Variants in HMOX2 observed in about 807,000 individuals in gnomAD.
HMOX2 encodes the protein heme oxygenase 2, also known as heme oxygenase (decycling) 2.
HMOX2 carries 30 observed loss-of-function variants against 33.7 expected under a neutral mutation model. That is an observed-to-expected ratio of 0.89 (90% CI 0.67 to 1.21). HMOX2 has a LOEUF of 1.21. Among genes scored for constraint, HMOX2 ranks in the 50% most tolerant of loss-of-function variants. The pLI, the probability that HMOX2 is intolerant of heterozygous loss-of-function variation, is 0.00. For missense variants in HMOX2, 403 were observed against 399.1 expected, an observed-to-expected ratio of 1.01 and a Z score of -0.08; for synonymous variants, 155 against 155.0, an observed-to-expected ratio of 1.00 and a Z score of 0.00.
intron 1 of HMOX2, among the ~76,000 whole-genome samples, chr16:4,497,683 A>G (rs1226151614): frequency 6.6e-6 from 1 of 152,142 alleles, no homozygotes; most frequent in Non-Finnish European, 1.5e-5. Flanking sequence ...GCTAGAGATG[A>G]GCACACTTCT....
At chr16:4,501,899 A>C (rs1313408010) in intron 1 of HMOX2, among the ~76,000 whole-genome samples, 1 of 152,122 alleles carries the variant, frequency 6.6e-6, no homozygotes, top group Non-Finnish European at 1.5e-5. Context: ...GAGCCTTCCC[A>C]GGAGCCTCCT....
intron 1 of HMOX2, among the ~76,000 whole-genome samples, chr16:4,476,988 C>T (rs1015203914): frequency 2.5e-4 from 38 of 152,150 alleles, no homozygotes; most frequent in African/African-American, 8.7e-4. Flanking sequence ...ATAGGAAGTG[C>T]CCCTTGAGTG....
chr16:4,496,126 CTTTT>C (rs35152645), intron 1 of HMOX2: 75 of 141,046 alleles, frequency 5.3e-4, no homozygotes, highest in Non-Finnish European at 7.9e-4. Flanking sequence ...ACTTTTCTTT[CTTTT>C]TTTTTTTTTT....
At chr16:4,502,613 C>G (rs887077246) in intron 1 of HMOX2, 1 of 152,210 alleles carries the variant, frequency 6.6e-6, no homozygotes, top group African/African-American at 2.4e-5. Context: ...TGTTTTCATC[C>G]CAGCACCTTT....
intron 1 of HMOX2, among the ~76,000 whole-genome samples, chr16:4,481,570 T>C (rs1567379344): frequency 6.6e-6 from 1 of 152,138 alleles, no homozygotes; most frequent in Admixed American, 6.6e-5. Flanking sequence ...TAAAGCTCTA[T>C]CTTTAGCACA....
rs551594596 is a variant in HMOX2, at chr16:4,507,953, C to G, written c.445C>G (p.Leu149Val). Residue 149 changes from leucine (L) to valine (V), a missense_variant, in exon 4 of 6, where the codon CTG becomes GTG. Coordinates refer to ENST00000570646, the MANE Select transcript of HMOX2 (RefSeq NM_002134.4). Reference protein sequence around the residue: ...HYIGQNEPELLVAHAYTRYMG... With the variant: ...HYIGQNEPELVVAHAYTRYMG... The stretch of plus-strand genomic sequence containing the variant: ...CATAGGGCAGAACGAGCCGGAGCTA[C>G]TGGTGGCCCATGCATACACCCGCTA... 1 of 1,613,778 alleles carries G rather than the reference C, an allele frequency of 6.2e-7. No individual in the cohort carries two copies. Among genetic ancestry groups the G allele is most frequent in the Admixed American group, 1.7e-5 (1 of 59,966 alleles).
Position 4,509,439 on chromosome 16 carries a change from T to A in HMOX2, c.724T>A (p.Ser242Thr), listed in dbSNP as rs1208050023. The change falls in exon 5 of 6, where the codon TCC becomes ACC. Residue 242 changes from serine (S) to threonine (T), a missense_variant. Coordinates refer to ENST00000570646, the MANE Select transcript of HMOX2 (RefSeq NM_002134.4). Reference protein sequence around the residue: ...QIFNELDQAGSTLARETLEDG... With the variant: ...QIFNELDQAGTTLARETLEDG... ...ATTCAATGAACTGGACCAGGCCGGC[T>A]CCACACTGGCCAGAGAGACCTTGGA... is the stretch of plus-strand genomic sequence containing the variant. The A allele has an allele frequency of 6.2e-7, 1 of 1,613,702 alleles. No individual in the cohort carries two copies. The highest frequency in any genetic ancestry group is 8.5e-7 in the Non-Finnish European group (1 of 1,179,968).
chr16:4,483,025 G>T, intron 1 of HMOX2, among the ~76,000 whole-genome samples: 1 of 150,616 alleles, frequency 6.6e-6, no homozygotes, highest in African/African-American at 2.4e-5. Flanking sequence ...CAGACTGGAA[G>T]AAAAAAAAAG....
intron 1 of HMOX2, chr16:4,495,415 A>G (rs189017933): frequency 6.6e-6 from 1 of 152,214 alleles, no homozygotes; most frequent in Non-Finnish European, 1.5e-5. Context: ...AGCCAACCAT[A>G]TGTGGAGTTA....
rs574957710 is a variant in HMOX2 at position 4,510,129 on chromosome 16, G to A, written c.*373G>A. 7 of 234,642 alleles carry A rather than the reference G, an allele frequency of 3.0e-5. No individual in the cohort carries two copies. The East Asian group carries it at 3.7e-4, about 12-fold the overall frequency. The allele number at this position is 234,642 out of a possible 1,614,324, so 14.5% of individuals were successfully genotyped here. A position where few individuals can be genotyped will look rare whatever the true frequency, so the allele number is the denominator to read the frequency against. On this transcript the variant is annotated 3_prime_UTR_variant, in exon 6 of 6. Transcript: ENST00000570646. ...AGTGGCCTGTAAGTCCAAGCTGTGCGAGGGGGCCTTGCTGGATGCTGCTGT... is the reference window on the plus strand; with the variant it reads ...AGTGGCCTGTAAGTCCAAGCTGTGCAAGGGGGCCTTGCTGGATGCTGCTGT...
chr16:4,489,906 C>T (rs541541183), intron 1 of HMOX2, among the ~76,000 whole-genome samples: 1 of 152,324 alleles, frequency 6.6e-6, no homozygotes, highest in South Asian at 2.1e-4. Flanking sequence ...CCACCGCGCC[C>T]AGCCCATTAT....
At chr16:4,498,231 A>AT (rs747961619) in intron 1 of HMOX2, among the ~76,000 whole-genome samples, 18 of 151,136 alleles carry the variant, frequency 1.2e-4, no homozygotes, top group Non-Finnish European at 1.8e-4. Context: ...CACCTGGCTA[A>AT]TTTTTTTATA....
chr16:4,501,124 G>A (rs989933568), intron 1 of HMOX2, among the ~76,000 whole-genome samples: 4 of 152,000 alleles, frequency 2.6e-5, no homozygotes, highest in South Asian at 2.1e-4. Flanking sequence ...CCTGTCTCTC[G>A]GTTTCTTTTT....
At position 4,505,625 on chromosome 16, in the gene HMOX2, C is replaced by T; in HGVS notation, c.86+15C>T. 1.9e-6 allele frequency: 3 copies of T among 1,545,664 alleles called. No homozygotes were observed. The highest frequency in any genetic ancestry group is 2.7e-6 in the Non-Finnish European group (3 of 1,131,876). ...AACCAAATGAGGTGAGCGATGGGGG[C>T]TGGCTGCACTGAATCAGGTGGGCCC... On this transcript the variant is annotated intron_variant, in intron 2 of 5. Coordinates refer to ENST00000570646, the MANE Select transcript of HMOX2 (RefSeq NM_002134.4).
At chr16:4,498,259 G>T (rs1451827153) in intron 1 of HMOX2, among the ~76,000 whole-genome samples, 3 of 151,752 alleles carry the variant, frequency 2.0e-5, no homozygotes, top group Non-Finnish European at 4.4e-5. Flanking sequence ...TAGAGATGGG[G>T]TTTTGCCATG....
At chr16:4,506,348 A>G (rs1464951799) in intron 2 of HMOX2, among the ~76,000 whole-genome samples, 2 of 151,760 alleles carry the variant, frequency 1.3e-5, no homozygotes, top group Non-Finnish European at 2.9e-5. Context: ...TCCTGGCCCT[A>G]GCCTCTCGGT....
chr16:4,482,520 G>T (rs781716161), intron 1 of HMOX2, among the ~76,000 whole-genome samples: 1 of 152,116 alleles, frequency 6.6e-6, no homozygotes, highest in Non-Finnish European at 1.5e-5. Context: ...GATAGCGTCA[G>T]ATCCCACCAA....
At chr16:4,491,924 C>T (rs752039429) in intron 1 of HMOX2, among the ~76,000 whole-genome samples, 3 of 152,016 alleles carry the variant, frequency 2.0e-5, no homozygotes, top group Non-Finnish European at 4.4e-5. Flanking sequence ...CCTTGTGATT[C>T]ACCTGCCTTG....
chr16:4,475,464 T>G (rs1596420510), upstream of HMOX2, among the ~76,000 whole-genome samples: 1 of 151,270 alleles, frequency 6.6e-6, no homozygotes, highest in South Asian at 2.1e-4. Context: ...GGAGCCACCA[T>G]GCCCGGCTAA....
Sources: allele counts gnomAD v4.1 joint callset (sites outside exome capture counted in the v4.1 genomes callset), GRCh38; gene constraint gnomAD v4.1.1; transcripts MANE v1.5; gene names NCBI Gene and HGNC (gene_info 2026-07-23, HGNC 2026-07-21).